The following SEMA3D variants were observed in gnomAD, a reference collection of about 807,000 sequenced individuals.
SEMA3D encodes the protein semaphorin-3D.
SEMA3D carries 84 observed loss-of-function variants against 100.1 expected under a neutral mutation model. The observed-to-expected ratio is 0.84, with a 90% confidence interval of 0.70 to 1.01. SEMA3D has a LOEUF of 1.01. Ranked by LOEUF, SEMA3D falls within the 50% of genes least tolerant of loss-of-function variation. The pLI is 0.00. For synonymous variants in SEMA3D, 312 were observed against 320.7 expected, an observed-to-expected ratio of 0.97 and a Z score of 0.29; for missense variants, 875 against 934.1, an observed-to-expected ratio of 0.94 and a Z score of 0.82.
chr7:85,049,445 T>C (rs1437956366), intron 9 of SEMA3D, among the ~76,000 whole-genome samples: 1 of 151,640 alleles, frequency 6.6e-6, no homozygotes, highest in Non-Finnish European at 1.5e-5. Context: ...ATTTAGCACA[T>C]TCAGTTAGGT....
intron 1 of SEMA3D, among the ~76,000 whole-genome samples, chr7:85,182,313 G>A (rs1791431939): frequency 6.6e-6 from 1 of 151,996 alleles, no homozygotes; most frequent in African/African-American, 2.4e-5. Context: ...TTTTTATGAG[G>A]GGTAAAGCCC....
chr7:85,028,382 GACAAAA>G, intron 12 of SEMA3D: 2 of 141,054 alleles, frequency 1.4e-5, no homozygotes, highest in South Asian at 9.6e-5. Context: ...TTACAGTTTA[GACAAAA>G]AAAAAAAAAA....
the SEMA3D span, among the ~76,000 whole-genome samples, chr7:85,193,996 G>T: frequency 6.6e-6 from 1 of 152,064 alleles, no homozygotes; most frequent in Non-Finnish European, 1.5e-5. Flanking sequence ...TATGCCAAGG[G>T]TTTAATGGAA....
rs527780424 is a variant in SEMA3D at position 85,143,843 on chromosome 7, T to C, written c.-41+9765A>G. ...TTCAAGCTTCAGCCTCCCGAGTAGC[T>C]GGGACCACAGGCATGCGCCACCACA... is the stretch of plus-strand genomic sequence containing the variant. On this transcript the variant is annotated intron_variant, in intron 2 of 18. Coordinates refer to ENST00000284136, the MANE Select transcript of SEMA3D (RefSeq NM_001384900.1). 3.9e-5 allele frequency among the ~76,000 whole-genome samples: 6 copies of C among 151,974 alleles called. No homozygotes were observed. The South Asian group carries it at 8.3e-4, about 21-fold the overall frequency.
At chr7:85,183,891 A>T (rs1351060859) in intron 1 of SEMA3D, among the ~76,000 whole-genome samples, 1 of 152,248 alleles carries the variant, frequency 6.6e-6, no homozygotes, top group Non-Finnish European at 1.5e-5. Context: ...TATTCAGGTC[A>T]TGAGGACAAT....
the SEMA3D span, among the ~76,000 whole-genome samples, chr7:85,233,832 G>A: frequency 6.6e-6 from 1 of 152,160 alleles, no homozygotes; most frequent in Non-Finnish European, 1.5e-5. Context: ...GAAAGACAAA[G>A]GAAGGTTTTG....
chr7:85,123,304 AG>A (rs1789480176), intron 2 of SEMA3D, among the ~76,000 whole-genome samples: 1 of 152,186 alleles, frequency 6.6e-6, no homozygotes, highest in South Asian at 2.1e-4. Flanking sequence ...AATAGGCCAC[AG>A]GACCAATAAT....
chr7:85,123,335 T>C (rs1245170287), intron 2 of SEMA3D, among the ~76,000 whole-genome samples: 3 of 152,162 alleles, frequency 2.0e-5, no homozygotes, highest in Non-Finnish European at 4.4e-5. Context: ...GATAGATTTA[T>C]TGGTGATAGC....
At chr7:85,093,219 G>A (rs967876128) in intron 4 of SEMA3D, among the ~76,000 whole-genome samples, 10 of 151,936 alleles carry the variant, frequency 6.6e-5, no homozygotes, top group South Asian at 2.1e-4. Context: ...AAAGTGTTTC[G>A]TTCCTAAATA....
intron 8 of SEMA3D, among the ~76,000 whole-genome samples, chr7:85,059,549 A>C (rs895002906): frequency 1.3e-5 from 2 of 152,186 alleles, no homozygotes; most frequent in African/African-American, 4.8e-5. Flanking sequence ...AACCTACAAA[A>C]TGATTGAATT....
intron 2 of SEMA3D, chr7:85,142,520 T>A (rs1247201528): frequency 3.0e-6 from 3 of 983,742 alleles, no homozygotes; most frequent in South Asian, 4.7e-5. Context: ...TCATTCTCCA[T>A]GGTAATATGG....
At chr7:85,042,976 C>G (rs376653066) in intron 9 of SEMA3D, among the ~76,000 whole-genome samples, 136 of 152,202 alleles carry the variant, frequency 8.9e-4, no homozygotes, top group Middle Eastern at 3.4e-3. Flanking sequence ...TATTTGCAAC[C>G]TTTAGCAATA....
At chr7:85,041,312 C>A (rs544088594) in intron 10 of SEMA3D, 1 of 152,014 alleles carries the variant, frequency 6.6e-6, no homozygotes, top group Admixed American at 6.6e-5. Flanking sequence ...CCAAACACCT[C>A]GGCCTCCCAA....
At chr7:85,247,586 C>A in the SEMA3D span, among the ~76,000 whole-genome samples, 1 of 152,034 alleles carries the variant, frequency 6.6e-6, no homozygotes, top group Non-Finnish European at 1.5e-5. Flanking sequence ...GCCAGAGTAA[C>A]TAAATCAACA....
At chr7:85,194,904 T>C in the SEMA3D span, among the ~76,000 whole-genome samples, 2 of 152,140 alleles carry the variant, frequency 1.3e-5, no homozygotes, top group Non-Finnish European at 2.9e-5. Context: ...ACATCAGTTA[T>C]ATTGGATTAG....
intron 18 of SEMA3D, among the ~76,000 whole-genome samples, chr7:85,000,771 G>C (rs1789634529): frequency 6.6e-6 from 1 of 152,172 alleles, no homozygotes; most frequent in Admixed American, 6.5e-5. Context: ...ACTGGCTCAT[G>C]ATATGGTGTG....
chr7:85,234,289 C>T, the SEMA3D span, among the ~76,000 whole-genome samples: 10 of 152,020 alleles, frequency 6.6e-5, no homozygotes, highest in East Asian at 1.9e-4. Flanking sequence ...TTGAAGACTG[C>T]GAGAAAGAGA....
At chr7:85,151,612 T>G in intron 2 of SEMA3D, 1 of 966,684 alleles carries the variant, frequency 1.0e-6, no homozygotes, top group Non-Finnish European at 1.2e-6. Context: ...TGTGTGTGTG[T>G]GTGTGTGTGT....
At chr7:85,045,497 G>A (rs1287822488) in intron 9 of SEMA3D, among the ~76,000 whole-genome samples, 3 of 151,776 alleles carry the variant, frequency 2.0e-5, no homozygotes, top group South Asian at 4.1e-4. Context: ...TTTTATATAC[G>A]ATGCCTTTAT....
Sources: gnomAD v4.1 joint callset for allele counts (sites outside exome capture counted in the v4.1 genomes callset) on GRCh38, gnomAD v4.1.1 for gene constraint, MANE v1.5 for transcripts, NCBI Gene and HGNC (gene_info 2026-07-23, HGNC 2026-07-21) for gene names.